CMBL: variants seen among roughly 807,000 people sequenced by gnomAD.
CMBL encodes the protein carboxymethylenebutenolidase homolog.
In CMBL, 17 loss-of-function variants were observed where a neutral mutation model predicts 28.7. The observed-to-expected ratio is 0.59, with a 90% CI of 0.41 to 0.89. CMBL has a LOEUF of 0.89. CMBL is among the 40% of genes least tolerant of loss of function. The pLI, the probability that CMBL is intolerant of heterozygous loss-of-function variation, is 0.00. For missense variants in CMBL, 310 were observed against 298.5 expected (o/e 1.04, Z -0.28); for synonymous variants, 106 against 101.6 (o/e 1.04, Z -0.26).
At chr5:10,288,170 G>T (rs1046275760) in intron 3 of CMBL, among the ~76,000 whole-genome samples, 8 of 152,114 alleles carry the variant, frequency 5.3e-5, no homozygotes, top group Admixed American at 2.6e-4. Flanking sequence ...GGGAGGCTGA[G>T]GCAGGAGAAT....
intron 1 of CMBL, among the ~76,000 whole-genome samples, chr5:10,306,590 G>A (rs371209554): frequency 6.6e-6 from 1 of 152,224 alleles, no homozygotes. Flanking sequence ...TAATGGGAAA[G>A]GCAGGAGGTT....
rs536586303 is a variant in CMBL at position 10,296,504 on chromosome 5, C to T, written c.-19-5723G>A. On this transcript the variant is annotated intron_variant, in intron 1 of 5. Coordinates refer to ENST00000296658, the MANE Select transcript of CMBL (RefSeq NM_138809.4). ...CCATGTTGGCCAGGCTGGTCTCAAACTCCTGACCTCAGGTGATCCACTGTG... is the reference window on the plus strand; with the variant it reads ...CCATGTTGGCCAGGCTGGTCTCAAATTCCTGACCTCAGGTGATCCACTGTG... Among the ~76,000 whole-genome samples the T allele has an allele frequency of 1.1e-4, 16 of 152,328 alleles. No homozygotes were observed. In the East Asian group the frequency reaches 2.9e-3, roughly 28 times the overall value.
chr5:10,296,428 GCAC>G (rs1746811021), intron 1 of CMBL, among the ~76,000 whole-genome samples: 1 of 152,130 alleles, frequency 6.6e-6, no homozygotes, highest in Admixed American at 6.6e-5. Flanking sequence ...CTACAGGCGA[GCAC>G]CACCATACCT....
chr5:10,296,876 T>C (rs1260111456), intron 1 of CMBL, among the ~76,000 whole-genome samples: 1 of 152,110 alleles, frequency 6.6e-6, no homozygotes, highest in African/African-American at 2.4e-5. Context: ...AGCATAATCA[T>C]AGTGGGCTTA....
At chr5:10,301,585 T>C (rs57511340) in intron 1 of CMBL, among the ~76,000 whole-genome samples, 7,515 of 147,788 alleles carry the variant, frequency 0.051, 559 homozygotes, top group African/African-American at 0.16. Flanking sequence ...TAGAGCTTTC[T>C]TTTTTTCTTT....
chr5:10,292,979 T>A (rs1746753469), intron 1 of CMBL, among the ~76,000 whole-genome samples: 1 of 152,160 alleles, frequency 6.6e-6, no homozygotes, highest in Admixed American at 6.5e-5. Flanking sequence ...ACAATCAAAG[T>A]TTCAGTAAAG....
Position 10,280,083 on chromosome 5 carries a change from C to T in CMBL, c.*370G>A, listed in dbSNP as rs11540020. 72,358 of 161,706 alleles carry T rather than the reference C, an allele frequency of 0.45. 20,297 individuals carry two copies. The highest frequency in any genetic ancestry group is 0.64 in the Non-Finnish European group (46,919 of 73,806). The allele number at this position is 161,706 out of a possible 1,614,324, so 10.0% of individuals were successfully genotyped here. A position where few individuals can be genotyped will look rare whatever the true frequency, so the allele number is the denominator to read the frequency against. On this transcript the variant is annotated 3_prime_UTR_variant, in exon 6 of 6. Coordinates refer to ENST00000296658, the MANE Select transcript of CMBL (RefSeq NM_138809.4). Reference sequence around the variant, plus strand: ...CCTCCCAAGTAGCTGGGACTACAGGCGTGCACCACCACACCAGGCTAATTT... The same window carrying T: ...CCTCCCAAGTAGCTGGGACTACAGGTGTGCACCACCACACCAGGCTAATTT...
intron 1 of CMBL, among the ~76,000 whole-genome samples, chr5:10,300,025 C>T (rs990431125): frequency 5.9e-5 from 9 of 152,194 alleles, no homozygotes; most frequent in African/African-American, 7.2e-5. Flanking sequence ...CCCCAAAATA[C>T]ATGTTTAAGT....
At position 10,306,936 on chromosome 5, in the gene CMBL, C is replaced by A. The variant is rs183073400; in HGVS notation, c.-20+689G>T. 4.1e-4 allele frequency among the ~76,000 whole-genome samples: 62 copies of A among 152,236 alleles called. 1 individual carries two copies. The East Asian group carries it at 0.011, about 27-fold the overall frequency. On this transcript the variant is annotated intron_variant, in intron 1 of 5. Transcript: ENST00000296658. Reference sequence around the variant, plus strand: ...GGATACCGGCGAGGCTCATTACTAACCACTTTATTTTAAATGGGCTTTGAA... The same window carrying A: ...GGATACCGGCGAGGCTCATTACTAAACACTTTATTTTAAATGGGCTTTGAA...
chr5:10,282,235 T>C lies in CMBL; in HGVS notation c.520A>G (p.Ile174Val), dbSNP rs772777341. Residue 174 changes from isoleucine to valine, a missense_variant, in exon 5 of 6, where the codon ATT becomes GTT. Ile to Val is a conservative substitution (Grantham distance 29, BLOSUM62 3). Coordinates refer to ENST00000296658, the MANE Select transcript of CMBL (RefSeq NM_138809.4). ...ATCACAACATCATTTTCAGCAAAAA[T>C]GAACAAAGTGGGGTTCTTTAAATTG... The part of the protein sequence containing the change: ...IYNLKNPTLF[I>V]FAENDVVIPL... 4 of 1,613,276 alleles carry C rather than the reference T, an allele frequency of 2.5e-6. No homozygotes were observed. The Admixed American group carries it at 5.0e-5, about 20-fold the overall frequency.
intron 3 of CMBL, among the ~76,000 whole-genome samples, chr5:10,287,455 T>C (rs1244761587): frequency 1.6e-5 from 2 of 126,164 alleles, no homozygotes; most frequent in Admixed American, 1.2e-4. Context: ...CAGAGGCACA[T>C]AGAGTGATAT....
rs761454458 is a variant in CMBL at position 10,280,549 on chromosome 5, G to C, written c.642C>G (p.Phe214Leu). Residue 214 changes from phenylalanine to leucine, a missense_variant, in exon 6 of 6, where the codon TTC becomes TTG. Coordinates refer to ENST00000296658, the MANE Select transcript of CMBL (RefSeq NM_138809.4). ...AGCAATCTTCTCTCTTCCGATGCAC[G>C]AACCCATGAGTCTGCCCAGAAAATG... ...IKTFSGQTHG[F>L]VHRKREDCSP... The C allele has an allele frequency of 1.2e-6, 2 of 1,613,810 alleles. No individual in the cohort carries two copies. The highest frequency in any genetic ancestry group is 2.2e-5 in the South Asian group (2 of 91,060).
At chr5:10,288,327 C>T in intron 3 of CMBL, 95 bp downstream of exon 3, 1 of 888,428 alleles carries the variant, frequency 1.1e-6, no homozygotes, top group South Asian at 1.3e-5. Context: ...AAGTCCTACC[C>T]CAAGGTAAGG....
chr5:10,300,042 C>T (rs1022980376), intron 1 of CMBL, among the ~76,000 whole-genome samples: 1 of 152,102 alleles, frequency 6.6e-6, no homozygotes, highest in Non-Finnish European at 1.5e-5. Context: ...AAGTCCTATC[C>T]CCCACTCCCC....
chr5:10,297,692 C>G (rs1174833667), intron 1 of CMBL, among the ~76,000 whole-genome samples: 2 of 151,134 alleles, frequency 1.3e-5, no homozygotes, highest in Non-Finnish European at 2.9e-5. Context: ...GAGAATGATA[C>G]CATAGAAAGG....
At chr5:10,297,460 CTTG>C (rs1483853072) in intron 1 of CMBL, among the ~76,000 whole-genome samples, 1 of 151,358 alleles carries the variant, frequency 6.6e-6, no homozygotes, top group Non-Finnish European at 1.5e-5. Flanking sequence ...ATCCCAGATA[CTTG>C]GGAGGCTGAG....
chr5:10,291,518 G>A (rs960116159), intron 1 of CMBL, among the ~76,000 whole-genome samples: 34 of 151,974 alleles, frequency 2.2e-4, no homozygotes, highest in African/African-American at 7.0e-4. Flanking sequence ...AAAATTAGCC[G>A]GGCGTGGTGG....
rs1181472176 is a variant in CMBL at position 10,288,427 on chromosome 5, G to A, written c.318C>T (p.Ile106=). The change falls in exon 3 of 6, where the codon ATC becomes ATT. Residue 106 remains isoleucine, a synonymous_variant. Coordinates refer to ENST00000296658, the MANE Select transcript of CMBL (RefSeq NM_138809.4). ...CACGTCTGCGGATAACTCACCTATC[G>A]ATCTTCTGGGCATTTCTTGTTTTCA... The part of the protein sequence containing the change: ...EWLKTRNAQK[I]DREISAILKY... 10 of 1,612,336 alleles carry A rather than the reference G, an allele frequency of 6.2e-6. No homozygotes were observed. The highest frequency in any genetic ancestry group is 2.7e-5 in the African/African-American group (2 of 74,844).
Position 10,282,182 on chromosome 5 carries a change from A to T in CMBL, c.558+15T>A. ...CTCAAATAAATAAATACGAAGAGAAAAGATGCCAACTTACGTCCTTGAGTG... is the reference window on the plus strand; with the variant it reads ...CTCAAATAAATAAATACGAAGAGAATAGATGCCAACTTACGTCCTTGAGTG... On this transcript the variant is annotated intron_variant, in intron 5 of 5. Coordinates refer to ENST00000296658, the MANE Select transcript of CMBL (RefSeq NM_138809.4). 1 of 1,563,468 alleles carries T rather than the reference A, an allele frequency of 6.4e-7. No individual in the cohort carries two copies. Among genetic ancestry groups the T allele is most frequent in the Non-Finnish European group, 8.8e-7 (1 of 1,133,964 alleles).
Sources: allele counts gnomAD v4.1 joint callset (sites outside exome capture counted in the v4.1 genomes callset), GRCh38; gene constraint gnomAD v4.1.1; transcripts MANE v1.5; gene names NCBI Gene and HGNC (gene_info 2026-07-23, HGNC 2026-07-21).